MGAT5: variants seen among roughly 807,000 people sequenced by gnomAD.
MGAT5 encodes alpha-1,6-mannosylglycoprotein 6-beta-N-acetylglucosaminyltransferase, also known as alpha-1,6-mannosylglycoprotein 6-beta-N-acetylglucosaminyltransferase A.
MGAT5 carries 30 observed loss-of-function variants against 94.3 expected under a neutral mutation model. The observed-to-expected ratio is 0.32, with a 90% CI of 0.24 to 0.43. MGAT5 has a LOEUF of 0.43. Ranked by LOEUF, MGAT5 falls within the 20% of genes least tolerant of loss-of-function variation. MGAT5 has a pLI of 1.00. For synonymous variants in MGAT5, 310 were observed against 322.9 expected (o/e 0.96, Z 0.43); for missense variants, 691 against 905.5 (o/e 0.76, Z 3.04).
intron 4 of MGAT5, among the ~76,000 whole-genome samples, chr2:134,333,445 G>A (rs1231795343): frequency 2.1e-5 from 2 of 96,780 alleles, no homozygotes; most frequent in Admixed American, 1.5e-4. Context: ...GGGGTGGGGG[G>A]AGGGGGGAGG....
chr2:134,231,498 A>T (rs1040696561), intron 1 of MGAT5, among the ~76,000 whole-genome samples: 2 of 152,222 alleles, frequency 1.3e-5, no homozygotes, highest in Non-Finnish European at 2.9e-5. Flanking sequence ...CAATGTACAA[A>T]TTCCTATGTC....
At chr2:134,352,365 G>A (rs972197082) in intron 9 of MGAT5, among the ~76,000 whole-genome samples, 2 of 152,136 alleles carry the variant, frequency 1.3e-5, no homozygotes, top group African/African-American at 4.8e-5. Flanking sequence ...GTACTACATA[G>A]CTATAAAAAG....
chr2:134,331,820 C>T (rs1483088891), intron 4 of MGAT5, among the ~76,000 whole-genome samples: 1 of 152,054 alleles, frequency 6.6e-6, no homozygotes, highest in East Asian at 1.9e-4. Flanking sequence ...GAACCATTTT[C>T]AGGTCAAGAA....
At chr2:134,349,500 A>G (rs1453070993) in intron 8 of MGAT5, among the ~76,000 whole-genome samples, 1 of 152,170 alleles carries the variant, frequency 6.6e-6, no homozygotes, top group Non-Finnish European at 1.5e-5. Context: ...AGCATTGAAC[A>G]TGGCAGTCCC....
chr2:134,332,484 C>G lies in MGAT5; in HGVS notation c.574-3733C>G, dbSNP rs1432678161. Among the ~76,000 whole-genome samples, 11 of 152,160 alleles carry G rather than the reference C, an allele frequency of 7.2e-5. No homozygotes were observed. In the South Asian group the frequency reaches 1.5e-3, roughly 20 times the overall value. ...ATGTTAGACCTAAAACCATAAAATC[C>G]CTAGAAGAAAACCTAGGCATTACCA... On this transcript the variant is annotated intron_variant, in intron 4 of 15. Transcript: ENST00000281923.
chr2:134,170,822 A>G (rs1688165418), intron 1 of MGAT5, among the ~76,000 whole-genome samples: 1 of 151,566 alleles, frequency 6.6e-6, no homozygotes, highest in South Asian at 2.1e-4. Context: ...AAAATAGCCA[A>G]TCAGAAGCAC....
chr2:134,408,690 AC>A (rs1344091129), intron 11 of MGAT5, among the ~76,000 whole-genome samples: 1 of 152,188 alleles, frequency 6.6e-6, no homozygotes, highest in African/African-American at 2.4e-5. Flanking sequence ...GAGTCTGGCC[AC>A]TGTTTATCCC....
intron 11 of MGAT5, among the ~76,000 whole-genome samples, chr2:134,407,415 T>C (rs1683405336): frequency 1.3e-5 from 2 of 152,164 alleles, no homozygotes; most frequent in Admixed American, 1.3e-4. Flanking sequence ...TATCTACACA[T>C]GTATATAGAC....
intron 2 of MGAT5, among the ~76,000 whole-genome samples, chr2:134,292,197 G>T (rs950560391): frequency 6.6e-6 from 1 of 152,144 alleles, no homozygotes; most frequent in African/African-American, 2.4e-5. Flanking sequence ...TTCAGATTGC[G>T]TCTGGGTCCT....
At chr2:134,339,404 A>G (rs1439175828) in intron 6 of MGAT5, among the ~76,000 whole-genome samples, 6 of 152,216 alleles carry the variant, frequency 3.9e-5, no homozygotes, top group Admixed American at 3.9e-4. Flanking sequence ...ATACATAAAG[A>G]TATATACAGA....
chr2:134,374,167 A>G (rs1181688054), intron 10 of MGAT5, among the ~76,000 whole-genome samples: 1 of 152,232 alleles, frequency 6.6e-6, no homozygotes, highest in Non-Finnish European at 1.5e-5. Context: ...GGGGATTCAT[A>G]TAAGCCAGTG....
intron 2 of MGAT5, among the ~76,000 whole-genome samples, chr2:134,294,586 C>A (rs184687763): frequency 6.6e-6 from 1 of 152,152 alleles, no homozygotes; most frequent in African/African-American, 2.4e-5. Context: ...CAAAGACTTT[C>A]CTCCCCGTCT....
chr2:134,174,587 A>G (rs1032508679), intron 1 of MGAT5, among the ~76,000 whole-genome samples: 2 of 152,260 alleles, frequency 1.3e-5, no homozygotes, highest in African/African-American at 2.4e-5. Flanking sequence ...AGAGTATGAG[A>G]TTAAAAACTA....
chr2:134,359,962 A>G (rs1322530714), intron 9 of MGAT5, among the ~76,000 whole-genome samples: 1 of 152,308 alleles, frequency 6.6e-6, no homozygotes, highest in East Asian at 1.9e-4. Context: ...TATGTGGTCA[A>G]GGTTTAGTGT....
chr2:134,441,557 G>A (rs1685487234), intron 14 of MGAT5, among the ~76,000 whole-genome samples: 1 of 152,222 alleles, frequency 6.6e-6, no homozygotes. Flanking sequence ...GGTTGAGTAA[G>A]CTGGTGGTTA....
In MGAT5 at chr2:134,435,673, C is replaced by T. The variant is rs990806841; in HGVS notation, c.1870-6085C>T. ...ATGCAGATGGTGTTTTTGTGTCAGG[C>T]GCTTTTCTGAGCATGTTATACATTA... On this transcript the variant is annotated intron_variant, in intron 14 of 15. Transcript: ENST00000281923. 1.4e-4 allele frequency among the ~76,000 whole-genome samples: 22 copies of T among 152,098 alleles called. 1 individual carries two copies. Among genetic ancestry groups the T allele is most frequent in the Admixed American group, 1.2e-3 (19 of 15,254 alleles).
intron 10 of MGAT5, among the ~76,000 whole-genome samples, chr2:134,369,944 G>A (rs985681009): frequency 5.9e-5 from 9 of 152,184 alleles, no homozygotes; most frequent in Non-Finnish European, 1.3e-4. Context: ...CAACAGAGCA[G>A]TTCTAATATA....
rs1039243748 is a variant in MGAT5 at position 134,175,034 on chromosome 2, G to A, written c.-143+54743G>A. On this transcript the variant is annotated intron_variant, in intron 1 of 16. Transcript: ENST00000409645. ...GTGGGTGAAACCTTGCTTTCCTCCTGGCCCATGGGCAGGGTGGGGCTGTGG... is the reference window on the plus strand; with the variant it reads ...GTGGGTGAAACCTTGCTTTCCTCCTAGCCCATGGGCAGGGTGGGGCTGTGG... Among the ~76,000 whole-genome samples the A allele has an allele frequency of 5.1e-4, 77 of 152,266 alleles. 1 individual carries two copies. The highest frequency in any genetic ancestry group is 1.8e-3 in the African/African-American group (74 of 41,554).
intron 1 of MGAT5, among the ~76,000 whole-genome samples, chr2:134,146,173 A>G (rs1306811259): frequency 6.6e-6 from 1 of 152,214 alleles, no homozygotes; most frequent in Non-Finnish European, 1.5e-5. Flanking sequence ...ATAGGAGACA[A>G]AAAATTTAAG....
Sources: allele counts gnomAD v4.1 joint callset (sites outside exome capture counted in the v4.1 genomes callset), GRCh38; gene constraint gnomAD v4.1.1; transcripts MANE v1.5; gene names NCBI Gene and HGNC (gene_info 2026-07-23, HGNC 2026-07-21).